KCNMA1: variants seen among roughly 807,000 people sequenced by gnomAD.
KCNMA1 encodes potassium calcium-activated channel subfamily M alpha 1.
A neutral mutation model predicts 140.0 loss-of-function variants in KCNMA1; 29 were observed. The ratio of observed to expected loss-of-function variants is 0.21; its 90% CI spans 0.15 to 0.28. KCNMA1 has a LOEUF of 0.28. KCNMA1 is among the 10% of genes least tolerant of loss of function. The pLI, the probability that KCNMA1 is intolerant of heterozygous loss-of-function variation, is 1.00. For synonymous variants in KCNMA1, 612 were observed against 611.9 expected (o/e 1.00, Z 0.00); for missense variants, 880 against 1,602.2 (o/e 0.55, Z 7.70).
chr10:77,439,076 GAAAGAAAAGA>G (rs1257293710), intron 1 of KCNMA1, among the ~76,000 whole-genome samples: 1 of 113,384 alleles, frequency 8.8e-6, no homozygotes, highest in Non-Finnish European at 1.9e-5. Context: ...CTCAAAAAAA[GAAAGAAAAGA>G]AAAGAGAAGA....
intron 18 of KCNMA1, among the ~76,000 whole-genome samples, chr10:77,006,411 G>A (rs1593380579): frequency 6.6e-6 from 1 of 152,274 alleles, no homozygotes; most frequent in East Asian, 1.9e-4. Context: ...CTCTTCATGG[G>A]CTCTGCAGCA....
intron 5 of KCNMA1, among the ~76,000 whole-genome samples, chr10:77,156,206 T>A (rs994603929): frequency 1.5e-5 from 2 of 135,288 alleles, no homozygotes; most frequent in Non-Finnish European, 3.1e-5. Flanking sequence ...CCAGCCTGGG[T>A]GACAGAGCGA....
intron 2 of KCNMA1, among the ~76,000 whole-genome samples, chr10:77,283,270 A>AT (rs1200964298): frequency 3.9e-5 from 6 of 152,286 alleles, no homozygotes; most frequent in African/African-American, 1.4e-4. Context: ...AGAACTTTCT[A>AT]TTTTCTCCTC....
At chr10:77,492,396 G>A (rs2040272021) in intron 1 of KCNMA1, among the ~76,000 whole-genome samples, 1 of 152,194 alleles carries the variant, frequency 6.6e-6, no homozygotes, top group Admixed American at 6.5e-5. Context: ...GCATCTAATA[G>A]CTTGAATTGT....
At chr10:77,207,192 C>T (rs1194093526) in intron 3 of KCNMA1, among the ~76,000 whole-genome samples, 1 of 152,192 alleles carries the variant, frequency 6.6e-6, no homozygotes, top group Admixed American at 6.5e-5. Flanking sequence ...TAATCTAAAG[C>T]TCTTCTGATT....
intron 1 of KCNMA1, among the ~76,000 whole-genome samples, chr10:77,506,628 G>A (rs28571738): frequency 7.5e-3 from 331 of 44,218 alleles, no homozygotes; most frequent in Middle Eastern, 0.013. Flanking sequence ...TGTTAGAGAG[G>A]GAGAGAGACA....
intron 2 of KCNMA1, among the ~76,000 whole-genome samples, chr10:77,389,965 G>A (rs191795053): frequency 9.9e-5 from 15 of 152,278 alleles, no homozygotes; most frequent in Admixed American, 2.0e-4. Flanking sequence ...TCTGCTTCAC[G>A]CCAATCACTC....
intron 1 of KCNMA1, among the ~76,000 whole-genome samples, chr10:77,549,650 G>A (rs2062272934): frequency 6.6e-6 from 1 of 152,252 alleles, no homozygotes; most frequent in African/African-American, 2.4e-5. Flanking sequence ...CAGTTATCTA[G>A]CTCTGTCAGC....
chr10:77,203,253 G>T (rs1003806151), intron 3 of KCNMA1, among the ~76,000 whole-genome samples: 3 of 152,162 alleles, frequency 2.0e-5, no homozygotes, highest in African/African-American at 7.2e-5. Context: ...AAGAAGTTTT[G>T]TAACAGTGGA....
In KCNMA1 at chr10:77,573,714, AATAGAATAGAATAGG is replaced by A. The variant is rs2072862649; in HGVS notation, c.378+63536_378+63550del. Reference sequence around the variant, plus strand: ...AATAGAATAGAATAGAATAGAATAGAATAGAATAGAATAGGTCTGTACCTCGCTCAACAGGGACAG... The same window carrying A: ...AATAGAATAGAATAGAATAGAATAGATCTGTACCTCGCTCAACAGGGACAG... On this transcript the variant is annotated intron_variant, in intron 1 of 27. Transcript: ENST00000286628. Among the ~76,000 whole-genome samples, 3 of 104,666 alleles carry A rather than the reference AATAGAATAGAATAGG, an allele frequency of 2.9e-5. No individual in the cohort carries two copies. The Admixed American group carries it at 3.1e-4, about 11-fold the overall frequency. The allele number at this position is 104,666 out of a possible 152,430, so 68.7% of individuals were successfully genotyped here.
intron 5 of KCNMA1, among the ~76,000 whole-genome samples, chr10:77,123,619 C>T (rs2097673832): frequency 6.6e-6 from 1 of 152,184 alleles, no homozygotes; most frequent in Non-Finnish European, 1.5e-5. Context: ...CTTCCATGTT[C>T]CTTGAGGGAT....
At chr10:76,895,642 G>A (rs1469439438) in intron 25 of KCNMA1, among the ~76,000 whole-genome samples, 1 of 152,160 alleles carries the variant, frequency 6.6e-6, no homozygotes, top group East Asian at 1.9e-4. Context: ...GCTACAACAT[G>A]GATGAACCTT....
chr10:77,408,116 C>T (rs532539435), intron 1 of KCNMA1, among the ~76,000 whole-genome samples: 4 of 152,274 alleles, frequency 2.6e-5, no homozygotes, highest in Admixed American at 2.6e-4. Flanking sequence ...TCTGACTCGC[C>T]CCATTAGATC....
intron 21 of KCNMA1, 39 bp downstream of exon 21, chr10:76,953,762 C>A: frequency 6.2e-7 from 1 of 1,613,688 alleles, no homozygotes; most frequent in Non-Finnish European, 8.5e-7. Context: ...TGGTTTGGGG[C>A]AGAAGCGGGC....
At chr10:77,127,268 G>A (rs191586689) in intron 5 of KCNMA1, among the ~76,000 whole-genome samples, 40 of 151,784 alleles carry the variant, frequency 2.6e-4, no homozygotes, top group Admixed American at 2.0e-4. Context: ...TAAAAAATAC[G>A]TACACAGAAG....
At chr10:77,386,473 A>G (rs10762758) in intron 2 of KCNMA1, among the ~76,000 whole-genome samples, 30,986 of 152,154 alleles carry the variant, frequency 0.2, 4,048 homozygotes, top group Non-Finnish European at 0.3. Context: ...CCGTCTTCCA[A>G]GCTCTACCAA....
chr10:77,281,913 G>A lies in KCNMA1; in HGVS notation c.541-30657C>T, dbSNP rs567925862. ...CCTACAGCTGCGGTGGTTGGGGAGC[G>A]GACTGAAGGGATTTCCCCAGACACT... On this transcript the variant is annotated intron_variant, in intron 2 of 27. Transcript: ENST00000286628. Among the ~76,000 whole-genome samples the A allele has an allele frequency of 5.9e-5, 9 of 152,200 alleles. No homozygotes were observed. The South Asian group carries it at 1.2e-3, about 21-fold the overall frequency.
intron 1 of KCNMA1, chr10:77,587,815 GAGTTATCTCACCGAC>G: frequency 1.0e-6 from 1 of 985,214 alleles, no homozygotes; most frequent in Non-Finnish European, 1.2e-6. Context: ...GCCCCAGGTG[GAGTTATCTCACCGAC>G]AGATCATCTC....
chr10:77,096,594 G>A (rs2096938796), intron 9 of KCNMA1, among the ~76,000 whole-genome samples: 3 of 152,088 alleles, frequency 2.0e-5, no homozygotes, highest in Admixed American at 6.6e-5. Flanking sequence ...GCACAGCTCT[G>A]GGCTGTTTAT....
Sources: allele counts gnomAD v4.1 joint callset (sites outside exome capture counted in the v4.1 genomes callset), GRCh38; gene constraint gnomAD v4.1.1; transcripts MANE v1.5; gene names NCBI Gene and HGNC (gene_info 2026-07-23, HGNC 2026-07-21).